Variants in SV2C observed in about 807,000 individuals in gnomAD.
The protein encoded by SV2C is solute carrier family 22 member B3.
SV2C carries 49 observed loss-of-function variants against 79.7 expected under a neutral mutation model. That is an observed-to-expected ratio of 0.61 (90% CI 0.49 to 0.78). The LOEUF (loss-of-function observed/expected upper bound fraction) is 0.78, where lower values mean the gene tolerates loss of function less well. Ranked by LOEUF, SV2C falls within the 30% of genes least tolerant of loss-of-function variation. The pLI is 0.00. For synonymous variants in SV2C, 334 were observed against 333.2 expected (o/e 1.00, Z -0.03); for missense variants, 833 against 912.9 (o/e 0.91, Z 1.13).
At chr5:76,188,910 G>A (rs1306388490) in intron 2 of SV2C, among the ~76,000 whole-genome samples, 1 of 151,870 alleles carries the variant, frequency 6.6e-6, no homozygotes, top group African/African-American at 2.4e-5. Context: ...GGGGTTCCAG[G>A]AGCAGGGACA....
chr5:76,119,936 A>G (rs1479373289), intron 1 of SV2C, among the ~76,000 whole-genome samples: 1 of 152,188 alleles, frequency 6.6e-6, no homozygotes, highest in African/African-American at 2.4e-5. Context: ...AAAACTGAGA[A>G]CCTTCCTTAA....
chr5:75,914,745 T>G, the SV2C span, among the ~76,000 whole-genome samples: 1 of 152,236 alleles, frequency 6.6e-6, no homozygotes, highest in African/African-American at 2.4e-5. Context: ...CAACATGTAA[T>G]GAGTGGTTTC....
At chr5:76,194,078 G>A (rs760052452) in intron 2 of SV2C, among the ~76,000 whole-genome samples, 1 of 152,132 alleles carries the variant, frequency 6.6e-6, no homozygotes, top group Non-Finnish European at 1.5e-5. Context: ...AAGAGATCTT[G>A]GTTTACTGTT....
At chr5:76,116,855 G>C (rs1286866868) in intron 1 of SV2C, among the ~76,000 whole-genome samples, 1 of 152,148 alleles carries the variant, frequency 6.6e-6, no homozygotes, top group African/African-American at 2.4e-5. Flanking sequence ...TAACTACTTA[G>C]GGACAGGAAT....
the SV2C span, among the ~76,000 whole-genome samples, chr5:75,914,205 T>C: frequency 1.3e-5 from 2 of 152,198 alleles, no homozygotes; most frequent in African/African-American, 4.8e-5. Flanking sequence ...AATGTGAGTG[T>C]AGAACTCTTC....
the SV2C span, among the ~76,000 whole-genome samples, chr5:75,992,205 A>C: frequency 6.6e-6 from 1 of 151,980 alleles, no homozygotes; most frequent in Non-Finnish European, 1.5e-5. Context: ...GATAAAAATA[A>C]ATTTCTTAAT....
the SV2C span, among the ~76,000 whole-genome samples, chr5:75,900,714 T>C: frequency 1.3e-5 from 2 of 151,714 alleles, no homozygotes; most frequent in African/African-American, 2.4e-5. Flanking sequence ...ACCAATCTGA[T>C]TGTACACCAA....
At chr5:75,887,911 C>T in the SV2C span, among the ~76,000 whole-genome samples, 15 of 152,284 alleles carry the variant, frequency 9.9e-5, no homozygotes, top group African/African-American at 3.4e-4. Flanking sequence ...GAAATATCAG[C>T]ATGGGCTTAA....
the SV2C span, among the ~76,000 whole-genome samples, chr5:76,073,503 G>GCATATATA: frequency 1.5e-5 from 1 of 67,412 alleles, no homozygotes; most frequent in Non-Finnish European, 2.7e-5. Context: ...GTATGTGTGT[G>GCATATATA]TATATATATA....
chr5:75,903,922 A>C, the SV2C span, among the ~76,000 whole-genome samples: 1 of 152,218 alleles, frequency 6.6e-6, no homozygotes, highest in Non-Finnish European at 1.5e-5. Flanking sequence ...TTTTGTTTAC[A>C]ACTCAGTTTT....
chr5:76,146,111 T>A (rs533429805), intron 2 of SV2C, among the ~76,000 whole-genome samples: 1 of 152,164 alleles, frequency 6.6e-6, no homozygotes, highest in Non-Finnish European at 1.5e-5. Flanking sequence ...AGCTGAAGTG[T>A]CATGAAGCTA....
At chr5:75,872,319 A>G in the SV2C span, among the ~76,000 whole-genome samples, 2 of 151,978 alleles carry the variant, frequency 1.3e-5, no homozygotes, top group African/African-American at 4.8e-5. Context: ...AATTATAAAA[A>G]TTCTTCCCAA....
chr5:76,283,403 G>T (rs555886185), intron 4 of SV2C, among the ~76,000 whole-genome samples: 190 of 152,290 alleles, frequency 1.2e-3, no homozygotes, highest in African/African-American at 4.3e-3. Flanking sequence ...TATACTTTAT[G>T]AAATGTGCTG....
the SV2C span, among the ~76,000 whole-genome samples, chr5:76,056,342 C>T: frequency 1.3e-5 from 2 of 152,066 alleles, no homozygotes; most frequent in East Asian, 1.9e-4. Flanking sequence ...GGAATGAAGT[C>T]GACTTGATTG....
chr5:75,872,837 C>T, the SV2C span, among the ~76,000 whole-genome samples: 1 of 151,506 alleles, frequency 6.6e-6, no homozygotes, highest in African/African-American at 2.4e-5. Flanking sequence ...TGCAGCACAC[C>T]AACATGGCAC....
At chr5:75,939,604 G>T in the SV2C span, among the ~76,000 whole-genome samples, 1 of 152,236 alleles carries the variant, frequency 6.6e-6, no homozygotes, top group African/African-American at 2.4e-5. Context: ...GAAATTCAAG[G>T]TTGTGCATTT....
chr5:76,173,444 G>T (rs1381464473), intron 2 of SV2C, among the ~76,000 whole-genome samples: 2 of 152,132 alleles, frequency 1.3e-5, no homozygotes, highest in Non-Finnish European at 2.9e-5. Context: ...AATCTCTCTT[G>T]TGATACTGGA....
At chr5:76,170,852 C>T in intron 2 of SV2C, 1 of 234,834 alleles carries the variant, frequency 4.3e-6, no homozygotes, top group Non-Finnish European at 7.8e-6. Context: ...TGGTGGTTGG[C>T]GCGGCTGCGC....
At chr5:76,037,635 A>G in the SV2C span, among the ~76,000 whole-genome samples, 1 of 152,258 alleles carries the variant, frequency 6.6e-6, no homozygotes, top group Non-Finnish European at 1.5e-5. Flanking sequence ...TGGGAGAACC[A>G]CTGCTCTCTT....
Sources: allele counts gnomAD v4.1 joint callset (sites outside exome capture counted in the v4.1 genomes callset), GRCh38; gene constraint gnomAD v4.1.1; transcripts MANE v1.5; gene names NCBI Gene and HGNC (gene_info 2026-07-23, HGNC 2026-07-21).